TMEM132C: variants seen among roughly 807,000 people sequenced by gnomAD.
TMEM132C encodes the protein transmembrane protein 132C.
TMEM132C carries 29 observed loss-of-function variants against 61.4 expected under a neutral mutation model. That is an observed-to-expected ratio of 0.47 (90% confidence interval 0.35 to 0.64). TMEM132C has a LOEUF of 0.64. TMEM132C is among the 30% of genes least tolerant of loss of function. The pLI is 0.00. For missense variants in TMEM132C, 1,408 were observed against 1,476.9 expected (o/e 0.95, Z 0.76); for synonymous variants, 656 against 633.1 (o/e 1.04, Z -0.54).
chr12:128,630,353 C>A lies in TMEM132C; in HGVS notation c.1305+14018C>A, dbSNP rs929676025. On this transcript the variant is annotated intron_variant, in intron 4 of 8. Transcript: ENST00000435159. This position sits in a 1 kb window ranked among gnomAD's most constrained non-coding sequence, Gnocchi z 4.3. ...TTAAGCCAAATCAGCGTAGTTAGAA[C>A]CTGGGCCTGTGTTTATAGTTCACTG... 4.6e-5 allele frequency among the ~76,000 whole-genome samples: 7 copies of A among 152,194 alleles called. No homozygotes were observed. Among genetic ancestry groups the A allele is most frequent in the African/African-American group, 1.7e-4 (7 of 41,448 alleles).
chr12:128,576,163 G>A (rs1399785371), intron 3 of TMEM132C, among the ~76,000 whole-genome samples: 2 of 151,918 alleles, frequency 1.3e-5, no homozygotes, highest in Non-Finnish European at 2.9e-5. Flanking sequence ...GGTGAGGCAG[G>A]AGAATCACCT....
chr12:128,456,547 C>T (rs935035392), intron 2 of TMEM132C, among the ~76,000 whole-genome samples: 2 of 151,244 alleles, frequency 1.3e-5, no homozygotes, highest in African/African-American at 4.9e-5. Flanking sequence ...GCTGGGACCA[C>T]AGGTGCCTGC....
At chr12:128,504,036 T>C (rs1872269209) in intron 2 of TMEM132C, among the ~76,000 whole-genome samples, 1 of 152,120 alleles carries the variant, frequency 6.6e-6, no homozygotes, top group Admixed American at 6.5e-5. Context: ...CTTTCTTCTT[T>C]CCTCTCTCCC....
chr12:128,563,482 C>T (rs575686002), intron 3 of TMEM132C, among the ~76,000 whole-genome samples: 2 of 152,252 alleles, frequency 1.3e-5, no homozygotes, highest in East Asian at 1.9e-4. Flanking sequence ...ATATTTAAGG[C>T]GACCATTGCC....
At chr12:128,344,429 A>G (rs1429697718) in intron 1 of TMEM132C, among the ~76,000 whole-genome samples, 1 of 152,140 alleles carries the variant, frequency 6.6e-6, no homozygotes, top group African/African-American at 2.4e-5. Context: ...AAGTGCTGGG[A>G]TTACAGGTGT....
chr12:128,491,747 C>A (rs558367975), intron 2 of TMEM132C, among the ~76,000 whole-genome samples: 12 of 152,150 alleles, frequency 7.9e-5, no homozygotes, highest in African/African-American at 2.9e-4. Context: ...GTTGTACCGG[C>A]TCTCAACTGC....
intron 2 of TMEM132C, among the ~76,000 whole-genome samples, chr12:128,496,669 G>T (rs1871973628): frequency 6.6e-6 from 1 of 152,196 alleles, no homozygotes; most frequent in Admixed American, 6.5e-5. Context: ...CTCGTGCCAT[G>T]GTTTTCAGCT....
intron 5 of TMEM132C, among the ~76,000 whole-genome samples, chr12:128,691,460 T>C (rs916317440): frequency 2.6e-5 from 4 of 152,354 alleles, no homozygotes; most frequent in African/African-American, 9.6e-5. Context: ...CTTCCATCCA[T>C]CAGTTCATCT....
rs142831876 is a variant in TMEM132C, at chr12:128,475,066, G to A, written c.974+59446G>A. Among the ~76,000 whole-genome samples, 43 of 152,268 alleles carry A rather than the reference G, an allele frequency of 2.8e-4. No individual in the cohort carries two copies. The East Asian group carries it at 7.3e-3, about 26-fold the overall frequency. On this transcript the variant is annotated intron_variant, in intron 2 of 8. Transcript: ENST00000435159. ...AACGAGGCAGGGACGTGAGGATGTG[G>A]CAACAATTCTGCAGAAGGGCTGTGG... is the stretch of plus-strand genomic sequence containing the variant.
chr12:128,448,933 C>T (rs530797335), intron 2 of TMEM132C, among the ~76,000 whole-genome samples: 76 of 151,766 alleles, frequency 5.0e-4, no homozygotes, highest in African/African-American at 1.8e-3. Context: ...GTCAGGAGAT[C>T]GAGACCATCC....
chr12:128,337,967 C>G (rs1872834187), intron 1 of TMEM132C, among the ~76,000 whole-genome samples: 2 of 152,126 alleles, frequency 1.3e-5, no homozygotes, highest in Admixed American at 6.5e-5. Flanking sequence ...CCAGGGAACA[C>G]CAGCTGTGTG....
At chr12:128,593,644 C>G (rs1875839364) in intron 3 of TMEM132C, among the ~76,000 whole-genome samples, 2 of 152,172 alleles carry the variant, frequency 1.3e-5, no homozygotes, top group South Asian at 4.1e-4. Flanking sequence ...TACTTTACGG[C>G]ATTGTTTTGA....
chr12:128,639,889 A>G (rs1383084584), intron 4 of TMEM132C, among the ~76,000 whole-genome samples: 2 of 152,252 alleles, frequency 1.3e-5, no homozygotes, highest in Non-Finnish European at 2.9e-5. Context: ...TTGCTTTACA[A>G]GTGAAGACTG....
At chr12:128,315,078 A>G (rs1421875157) in intron 1 of TMEM132C, among the ~76,000 whole-genome samples, 1 of 152,220 alleles carries the variant, frequency 6.6e-6, no homozygotes, top group Non-Finnish European at 1.5e-5. Context: ...TATTTTGAAT[A>G]GGATGGATGG....
At chr12:128,616,425 A>G (rs1552580) in intron 4 of TMEM132C, 90 bp downstream of exon 4, 847,905 of 1,289,708 alleles carry the variant, frequency 0.66, 281,550 homozygotes, top group South Asian at 0.7. Flanking sequence ...GTTTGCTACA[A>G]TGATTTTATG....
At chr12:128,270,357 G>A (rs1423098323) in intron 1 of TMEM132C, among the ~76,000 whole-genome samples, 1 of 152,176 alleles carries the variant, frequency 6.6e-6, no homozygotes, top group South Asian at 2.1e-4. Flanking sequence ...CTTAGTCTGC[G>A]TCTGGAGTTG....
At chr12:128,569,094 G>A (rs1874791353) in intron 3 of TMEM132C, among the ~76,000 whole-genome samples, 2 of 152,124 alleles carry the variant, frequency 1.3e-5, no homozygotes, top group Admixed American at 6.6e-5. Flanking sequence ...GCAGGTGAGC[G>A]GGGGCGTGCT....
chr12:128,405,522 A>G lies in TMEM132C; in HGVS notation c.86-9210A>G, dbSNP rs535437160. ...ATTATTCTGAGTCTATCTAAGAGAA[A>G]ATCTCATTTTGCAGCCGCTGTATCT... On this transcript the variant is annotated intron_variant, in intron 1 of 8. Transcript: ENST00000435159. 2.0e-5 allele frequency among the ~76,000 whole-genome samples: 3 copies of G among 152,298 alleles called. No individual in the cohort carries two copies. The South Asian group carries it at 6.2e-4, about 32-fold the overall frequency.
intron 1 of TMEM132C, among the ~76,000 whole-genome samples, chr12:128,351,532 C>G (rs1391613017): frequency 6.6e-6 from 1 of 152,096 alleles, no homozygotes; most frequent in African/African-American, 2.4e-5. Context: ...GACAAGAAAT[C>G]TATTTGGTTC....
Sources: allele counts gnomAD v4.1 joint callset (sites outside exome capture counted in the v4.1 genomes callset), GRCh38; gene constraint gnomAD v4.1.1; non-coding constraint Gnocchi (gnomAD v3.1); transcripts MANE v1.5; gene names NCBI Gene and HGNC (gene_info 2026-07-23, HGNC 2026-07-21).